GRM8: variants seen among roughly 807,000 people sequenced by gnomAD.
The protein encoded by GRM8 is glutamate metabotropic receptor 8.
A neutral mutation model predicts 87.2 loss-of-function variants in GRM8; 47 were observed. That is an observed-to-expected ratio of 0.54 (90% CI 0.43 to 0.69). GRM8 has a LOEUF of 0.69. Ranked by LOEUF, GRM8 falls within the 30% of genes least tolerant of loss-of-function variation. GRM8 has a pLI of 0.00. For missense variants in GRM8, 1,019 were observed against 1,139.2 expected (o/e 0.89, Z 1.52); for synonymous variants, 396 against 404.5 (o/e 0.98, Z 0.25).
chr7:127,013,974 G>A (rs1008209136), intron 3 of GRM8, among the ~76,000 whole-genome samples: 2 of 152,166 alleles, frequency 1.3e-5, no homozygotes, highest in Non-Finnish European at 2.9e-5. Context: ...ATCTCATAAG[G>A]TGGCTGAAAG....
intron 7 of GRM8, among the ~76,000 whole-genome samples, chr7:126,739,983 T>C (rs1585734653): frequency 6.6e-6 from 1 of 152,102 alleles, no homozygotes; most frequent in African/African-American, 2.4e-5. Context: ...AATACTTCTA[T>C]GATGTTTGCA....
chr7:126,653,739 G>A (rs947546150), intron 7 of GRM8, among the ~76,000 whole-genome samples: 1 of 152,138 alleles, frequency 6.6e-6, no homozygotes, highest in Non-Finnish European at 1.5e-5. Flanking sequence ...TGAATACTCT[G>A]GGTATTTGTT....
intron 3 of GRM8, among the ~76,000 whole-genome samples, chr7:126,941,443 T>TAAAAAAAA (rs11453714): frequency 7.8e-6 from 1 of 128,886 alleles, no homozygotes. Context: ...CCATCTCTAC[T>TAAAAAAAA]AAAAAAAAAA....
chr7:127,016,340 C>A (rs17867733), intron 3 of GRM8, among the ~76,000 whole-genome samples: 1 of 152,068 alleles, frequency 6.6e-6, no homozygotes, highest in Non-Finnish European at 1.5e-5. Context: ...CTAAAAGGAG[C>A]AGAACCAGGT....
chr7:126,957,409 G>A (rs907930848), intron 3 of GRM8, among the ~76,000 whole-genome samples: 1 of 152,170 alleles, frequency 6.6e-6, no homozygotes, highest in Non-Finnish European at 1.5e-5. Flanking sequence ...CCGAGTTGGA[G>A]TCCCATGCTT....
At chr7:126,706,758 G>C (rs957031450) in intron 7 of GRM8, among the ~76,000 whole-genome samples, 3 of 152,172 alleles carry the variant, frequency 2.0e-5, no homozygotes, top group African/African-American at 7.2e-5. Context: ...AAGTGAACAT[G>C]AGTAGTTACA....
At chr7:126,690,792 C>T (rs533406281) in intron 7 of GRM8, among the ~76,000 whole-genome samples, 11 of 152,148 alleles carry the variant, frequency 7.2e-5, no homozygotes, top group African/African-American at 2.7e-4. Context: ...TCTCTGCAGG[C>T]AGGGCATCCC....
At chr7:127,198,669 A>AT (rs113555701) in intron 2 of GRM8, among the ~76,000 whole-genome samples, 2,673 of 144,470 alleles carry the variant, frequency 0.019, 28 homozygotes, top group African/African-American at 0.028. Context: ...ATAGAAATGA[A>AT]TTTTTTTTTT....
chr7:127,009,724 A>G (rs1393025314), intron 3 of GRM8, among the ~76,000 whole-genome samples: 3 of 150,968 alleles, frequency 2.0e-5, no homozygotes, highest in African/African-American at 7.3e-5. Flanking sequence ...AAAAATCCAG[A>G]TTTTTTTTTT....
At chr7:126,644,970 A>G (rs974862939) in intron 7 of GRM8, among the ~76,000 whole-genome samples, 1 of 152,242 alleles carries the variant, frequency 6.6e-6, no homozygotes, top group Non-Finnish European at 1.5e-5. Flanking sequence ...GAAGTCCGAC[A>G]GTGTTGACGC....
At chr7:126,772,456 AC>A (rs1271127725) in intron 6 of GRM8, among the ~76,000 whole-genome samples, 1 of 151,924 alleles carries the variant, frequency 6.6e-6, no homozygotes, top group Non-Finnish European at 1.5e-5. Context: ...TCTCAGCACC[AC>A]CCCAGACTTG....
At chr7:126,823,362 A>G (rs571225839) in intron 6 of GRM8, among the ~76,000 whole-genome samples, 1 of 152,308 alleles carries the variant, frequency 6.6e-6, no homozygotes, top group East Asian at 1.9e-4. Context: ...CAGTAATCCA[A>G]CTAGCTGTTA....
chr7:126,902,443 T>C lies in GRM8; in HGVS notation c.1156+99A>G, dbSNP rs971086611. ...ACAAAAAGACACAAAAAATAGAAAA[T>C]ACATTCATCATTATCCATATAGAAA... On this transcript the variant is annotated intron_variant, in intron 6 of 10. Coordinates refer to ENST00000339582, the MANE Select transcript of GRM8 (RefSeq NM_000845.3). 142 of 975,710 alleles carry C rather than the reference T, an allele frequency of 1.5e-4. 1 individual carries two copies. The highest frequency in any genetic ancestry group is 2.7e-5 in the Non-Finnish European group (18 of 666,578). 60.4% of individuals were successfully genotyped at this position (975,710 alleles called of 1,614,324 possible).
intron 6 of GRM8, among the ~76,000 whole-genome samples, chr7:126,813,855 C>T (rs1793522960): frequency 6.6e-6 from 1 of 152,056 alleles, no homozygotes. Flanking sequence ...AACCAAGGCT[C>T]ATGTTTTATG....
intron 7 of GRM8, among the ~76,000 whole-genome samples, chr7:126,757,273 C>T (rs529963928): frequency 1.3e-5 from 2 of 151,850 alleles, no homozygotes; most frequent in Non-Finnish European, 2.9e-5. Context: ...GTTAGGAGAG[C>T]GACTTCTTGG....
rs77153005 is a variant in GRM8 at position 126,903,004 on chromosome 7, C to T, written c.1019-325G>A. Among the ~76,000 whole-genome samples, 26 of 152,288 alleles carry T rather than the reference C, an allele frequency of 1.7e-4. No individual in the cohort carries two copies. In the East Asian group the frequency reaches 5.0e-3, roughly 29 times the overall value. ...AGAGGCAGCAACCAGTGACTTCATG[C>T]TGAATCCTGAATACTTAGAACCCAA... On this transcript the variant is annotated intron_variant, in intron 5 of 10. Transcript: ENST00000339582.
intron 3 of GRM8, among the ~76,000 whole-genome samples, chr7:126,911,735 C>G (rs1803316692): frequency 6.6e-6 from 1 of 152,184 alleles, no homozygotes; most frequent in African/African-American, 2.4e-5. Context: ...GCTGACACCA[C>G]AAGAAGTTCT....
At chr7:127,107,718 C>T (rs1363437821) in intron 2 of GRM8, among the ~76,000 whole-genome samples, 1 of 152,178 alleles carries the variant, frequency 6.6e-6, no homozygotes, top group African/African-American at 2.4e-5. Flanking sequence ...ATCCAATAGT[C>T]CCCACTACAG....
intron 7 of GRM8, among the ~76,000 whole-genome samples, chr7:126,766,454 G>A (rs918402144): frequency 6.6e-6 from 1 of 152,090 alleles, no homozygotes; most frequent in African/African-American, 2.4e-5. Flanking sequence ...CATTGGGATA[G>A]CCACTATTCA....
Sources: allele counts gnomAD v4.1 joint callset (sites outside exome capture counted in the v4.1 genomes callset), GRCh38; gene constraint gnomAD v4.1.1; transcripts MANE v1.5; gene names NCBI Gene and HGNC (gene_info 2026-07-23, HGNC 2026-07-21).